Variants in RASGRF2 observed in about 807,000 individuals in gnomAD.
RASGRF2 encodes the protein Ras protein specific guanine nucleotide releasing factor 2.
Under a neutral mutation model 151.0 loss-of-function variants are expected in RASGRF2, and 76 were observed. The observed-to-expected ratio is 0.50, with a 90% confidence interval of 0.42 to 0.61. RASGRF2 has a LOEUF of 0.61. Among genes scored for constraint, RASGRF2 ranks in the 20% least tolerant of loss-of-function variants. RASGRF2 has a pLI of 0.00. For missense variants in RASGRF2, 1,148 were observed against 1,564.6 expected (o/e 0.73, Z 4.49); for synonymous variants, 504 against 566.5 (o/e 0.89, Z 1.57).
intron 17 of RASGRF2, among the ~76,000 whole-genome samples, chr5:81,132,999 T>G (rs1462806736): frequency 6.6e-6 from 1 of 152,180 alleles, no homozygotes; most frequent in East Asian, 1.9e-4. Context: ...AGAAAATTCT[T>G]GGAATCGCAA....
chr5:81,005,653 T>C (rs1307329617), intron 1 of RASGRF2, among the ~76,000 whole-genome samples: 1 of 152,232 alleles, frequency 6.6e-6, no homozygotes, highest in Non-Finnish European at 1.5e-5. Flanking sequence ...GATGGACTTT[T>C]GGGTAGTTTC....
chr5:81,058,259 A>G (rs1347671134), intron 2 of RASGRF2, among the ~76,000 whole-genome samples: 1 of 152,158 alleles, frequency 6.6e-6, no homozygotes, highest in Non-Finnish European at 1.5e-5. Flanking sequence ...AAATAAAAAA[A>G]TAGCTAACCA....
At chr5:81,005,114 T>G (rs1749221832) in intron 1 of RASGRF2, among the ~76,000 whole-genome samples, 1 of 152,190 alleles carries the variant, frequency 6.6e-6, no homozygotes, top group Non-Finnish European at 1.5e-5. Flanking sequence ...GAATCATACA[T>G]TATACCGTCC....
At position 81,228,024 on chromosome 5, in the gene RASGRF2, A is replaced by G. The variant is rs565285469; in HGVS notation, c.*2254A>G. 6.6e-6 allele frequency: 1 copy of G among 152,200 alleles called. No homozygotes were observed. Among genetic ancestry groups the G allele is most frequent in the South Asian group, 2.1e-4 (1 of 4,820 alleles). The allele number at this position is 152,200 out of a possible 1,614,324, so 9.4% of individuals were successfully genotyped here. On this transcript the variant is annotated 3_prime_UTR_variant, in exon 27 of 27. Coordinates refer to ENST00000265080, the MANE Select transcript of RASGRF2 (RefSeq NM_006909.3). ...AGCTTTTGCGCCTATTTCCTGCAGG[A>G]TGTTGGAACTGCCCCGCACTGGTCA...
At chr5:81,126,005 T>C (rs1753443225) in intron 16 of RASGRF2, among the ~76,000 whole-genome samples, 2 of 152,288 alleles carry the variant, frequency 1.3e-5, no homozygotes, top group Admixed American at 1.3e-4. Context: ...AGCTGTTTTA[T>C]GCGTTTGTGC....
In RASGRF2 at chr5:81,226,506, C is replaced by T. The variant is rs967195133; in HGVS notation, c.*736C>T. The T allele has an allele frequency of 2.6e-5, 4 of 152,172 alleles. No individual in the cohort carries two copies. Among genetic ancestry groups the T allele is most frequent in the Non-Finnish European group, 5.9e-5 (4 of 68,050 alleles). 9.4% of individuals were successfully genotyped at this position (152,172 alleles called of 1,614,324 possible). ...GTGGGTGGGGAGCTTTTCCTTGAGA[C>T]TGTTGGTCCTAAGAAGCCAGCCCTT... On this transcript the variant is annotated 3_prime_UTR_variant, in exon 27 of 27. Coordinates refer to ENST00000265080, the MANE Select transcript of RASGRF2 (RefSeq NM_006909.3).
chr5:80,971,192 C>CA (rs1314963933), intron 1 of RASGRF2, among the ~76,000 whole-genome samples: 2 of 152,314 alleles, frequency 1.3e-5, no homozygotes, highest in Admixed American at 1.3e-4. Context: ...AAGACATTGA[C>CA]ACGATCAGCC....
At chr5:81,151,035 A>G (rs1203221813) in intron 17 of RASGRF2, among the ~76,000 whole-genome samples, 1 of 152,234 alleles carries the variant, frequency 6.6e-6, no homozygotes, top group Non-Finnish European at 1.5e-5. Context: ...TATATATTTT[A>G]TTAAAGTTTA....
chr5:80,971,296 G>T (rs1747923613), intron 1 of RASGRF2, among the ~76,000 whole-genome samples: 1 of 152,320 alleles, frequency 6.6e-6, no homozygotes, highest in Admixed American at 6.5e-5. Context: ...GCTTTTGCCA[G>T]TTTTTGAACT....
chr5:81,212,212 C>A (rs1482282020), intron 22 of RASGRF2, among the ~76,000 whole-genome samples, 154 bp from the exon 23 acceptor site: 1 of 152,208 alleles, frequency 6.6e-6, no homozygotes, highest in African/African-American at 2.4e-5. Context: ...AGACTTTAGT[C>A]TCTTTAGAAA....
chr5:81,029,810 T>C (rs537369550), intron 1 of RASGRF2, among the ~76,000 whole-genome samples: 9 of 152,242 alleles, frequency 5.9e-5, no homozygotes, highest in Admixed American at 2.0e-4. Flanking sequence ...CTTTGATGAG[T>C]TGAGAGAAGA....
At chr5:81,026,897 C>T (rs1750054909) in intron 1 of RASGRF2, among the ~76,000 whole-genome samples, 1 of 152,128 alleles carries the variant, frequency 6.6e-6, no homozygotes, top group African/African-American at 2.4e-5. Flanking sequence ...AGTCAACCAG[C>T]TTGTTGAAGC....
intron 1 of RASGRF2, among the ~76,000 whole-genome samples, chr5:80,969,588 A>G (rs374071441): frequency 2.7e-5 from 4 of 150,592 alleles, no homozygotes; most frequent in East Asian, 3.9e-4. Flanking sequence ...AGCTGGGACT[A>G]CAGGCACCCG....
chr5:81,209,489 C>G (rs1348170700), intron 22 of RASGRF2, among the ~76,000 whole-genome samples: 1 of 152,188 alleles, frequency 6.6e-6, no homozygotes. Flanking sequence ...AATAAGTGAT[C>G]TAGAATCAAA....
At position 80,960,907 on chromosome 5, in the gene RASGRF2, G is replaced by T; in HGVS notation, c.169G>T (p.Glu57Ter). 4 of 1,606,206 alleles carry T rather than the reference G, an allele frequency of 2.5e-6. No individual in the cohort carries two copies. The highest frequency in any genetic ancestry group is 3.4e-6 in the Non-Finnish European group (4 of 1,174,472). ...YQNVLFYFEG[E>*]QSCRPAGMYL... ...GAATGTGCTCTTCTACTTCGAGGGC[G>T]AGCAGAGCTGCCGCCCGGCGGGCAT... Residue 57 changes from glutamate (E) to a stop codon, truncating the protein, a stop_gained, in exon 1 of 27, where the codon GAG (glutamate) becomes TAG (stop). Transcript: ENST00000265080. LOFTEE classifies it high-confidence loss of function. The surrounding 1 kb of genome is among the most constrained non-coding windows in gnomAD (Gnocchi z 5.5).
chr5:81,152,501 C>T (rs568238392), intron 17 of RASGRF2, among the ~76,000 whole-genome samples: 1 of 151,856 alleles, frequency 6.6e-6, no homozygotes, highest in East Asian at 2.1e-4. Context: ...GGTTTTTAGG[C>T]AACATATTAC....
At chr5:81,206,779 T>G in intron 19 of RASGRF2, 66 bp from the exon 20 acceptor site, 12 of 1,363,718 alleles carry the variant, frequency 8.8e-6, no homozygotes, top group Non-Finnish European at 1.2e-5. Flanking sequence ...CCAAACTGCA[T>G]TTGTAGTTTT....
At chr5:81,079,311 A>G (rs1258587019) in intron 5 of RASGRF2, among the ~76,000 whole-genome samples, 1 of 152,226 alleles carries the variant, frequency 6.6e-6, no homozygotes, top group African/African-American at 2.4e-5. Context: ...ATAAATTAGA[A>G]TCTCATGGAG....
intron 1 of RASGRF2, among the ~76,000 whole-genome samples, chr5:80,989,070 G>A (rs976377420): frequency 2.0e-5 from 3 of 151,614 alleles, no homozygotes; most frequent in South Asian, 2.1e-4. Context: ...CTCCACCTCC[G>A]GGATTCAAAT....
Sources: allele counts gnomAD v4.1 joint callset (sites outside exome capture counted in the v4.1 genomes callset), GRCh38; gene constraint gnomAD v4.1.1; non-coding constraint Gnocchi (gnomAD v3.1); transcripts MANE v1.5; gene names NCBI Gene and HGNC (gene_info 2026-07-23, HGNC 2026-07-21).